Variants in SESN2 observed in about 807,000 individuals in gnomAD.
The protein encoded by SESN2 is sestrin-2.
A neutral mutation model predicts 56.0 loss-of-function variants in SESN2; 42 were observed. That is an observed-to-expected ratio of 0.75 (90% CI 0.59 to 0.97). The LOEUF (loss-of-function observed/expected upper bound fraction) is 0.97. Among genes scored for constraint, SESN2 ranks in the 50% least tolerant of loss-of-function variants. The pLI is 0.00. For missense variants in SESN2, 507 were observed against 649.4 expected, an observed-to-expected ratio of 0.78 and a Z score of 2.38; for synonymous variants, 264 against 267.1, an observed-to-expected ratio of 0.99 and a Z score of 0.11.
intron 8 of SESN2, 33 bp from the exon 9 acceptor site, chr1:28,279,064 C>A: frequency 6.2e-7 from 1 of 1,611,612 alleles, no homozygotes. Context: ...GGGAAGAAAG[C>A]ATGAGTAATG....
intron 1 of SESN2, 78 bp downstream of exon 1, chr1:28,260,015 T>G: frequency 8.7e-7 from 1 of 1,153,746 alleles, no homozygotes; most frequent in Non-Finnish European, 1.2e-6. Flanking sequence ...CGGAGCTGAG[T>G]CGGTGTGTCC....
Position 28,272,600 on chromosome 1 carries a change from A to G in SESN2, c.557A>G (p.Glu186Gly), listed in dbSNP as rs1647825466. 3 of 1,613,884 alleles carry G rather than the reference A, an allele frequency of 1.9e-6. No homozygotes were observed. Among genetic ancestry groups the G allele is most frequent in the Admixed American group, 3.3e-5 (2 of 60,002 alleles). The part of the protein sequence containing the change: ...EHIQALLKTG[E>G]HTWSLAELIQ... ...TTCCAGGCCTTGCTGAAGACCGGCG[A>G]GCACACTTGGTCCCTGGCCGAGCTC... Residue 186 changes from glutamate to glycine, a missense_variant, in exon 5 of 10, where the codon GAG becomes GGG. Physicochemically the swap from Glu to Gly is moderately conservative, Grantham distance 98 (BLOSUM62 -2). Transcript: ENST00000253063.
In SESN2 at chr1:28,281,245, T is replaced by A. The variant is rs1024459170; in HGVS notation, c.*443T>A. The A allele has an allele frequency of 6.3e-6, 1 of 159,952 alleles. No individual in the cohort carries two copies. Among genetic ancestry groups the A allele is most frequent in the Non-Finnish European group, 1.4e-5 (1 of 73,016 alleles). 9.9% of individuals were successfully genotyped at this position (159,952 alleles called of 1,614,324 possible). A position where few individuals can be genotyped will look rare whatever the true frequency, so the allele number is the denominator to read the frequency against. ...CTTCTCTCCCCTGTCATTTCCAGAT[T>A]TCATTACCTCCTACTTGCCATTCAC... is the stretch of plus-strand genomic sequence containing the variant. On this transcript the variant is annotated 3_prime_UTR_variant, in exon 10 of 10. Transcript: ENST00000253063.
At chr1:28,267,001 A>G (rs1464423044) in intron 1 of SESN2, among the ~76,000 whole-genome samples, 1 of 152,228 alleles carries the variant, frequency 6.6e-6, no homozygotes, top group East Asian at 1.9e-4. Context: ...GGCTATTCCT[A>G]TCCTTCCCTA....
rs771825063 is a variant in SESN2 at position 28,280,698 on chromosome 1, C to T, written c.1357-18C>T. The T allele has an allele frequency of 6.2e-7, 1 of 1,606,800 alleles. No individual in the cohort carries two copies. Among genetic ancestry groups the T allele is most frequent in the Admixed American group, 1.7e-5 (1 of 59,998 alleles). The stretch of plus-strand genomic sequence containing the variant: ...AGGAGTGACATCAGTTGCCAACATG[C>T]CTTCCTCTGTGCCCCAGGTCCACGT... On this transcript the variant is annotated intron_variant, in intron 9 of 9. Transcript: ENST00000253063.
Position 28,269,263 on chromosome 1 carries a change from G to A in SESN2, c.156+15G>A. 6.3e-7 allele frequency: 1 copy of A among 1,598,560 alleles called. No individual in the cohort carries two copies. The highest frequency in any genetic ancestry group is 2.3e-5 in the East Asian group (1 of 44,202). ...CCGTGGAGGAGGTAAGCTTGGAAGG[G>A]GTTAGGGATCTTTGGTCCCTGGGAA... On this transcript the variant is annotated intron_variant, in intron 2 of 9. Coordinates refer to ENST00000253063, the MANE Select transcript of SESN2 (RefSeq NM_031459.5).
At chr1:28,260,111 ACT>A in intron 1 of SESN2, among the ~76,000 whole-genome samples, 174 bp downstream of exon 1, 1 of 61,218 alleles carries the variant, frequency 1.6e-5, no homozygotes, top group Middle Eastern at 7.9e-3. Context: ...CCCCTCCCCC[ACT>A]CTGTCTCCCC....
intron 1 of SESN2, among the ~76,000 whole-genome samples, chr1:28,260,708 C>T (rs1647345438): frequency 1.3e-5 from 2 of 151,346 alleles, no homozygotes; most frequent in Admixed American, 1.3e-4. Flanking sequence ...CTCCCCTCCA[C>T]CCCCCCGCAT....
intron 1 of SESN2, among the ~76,000 whole-genome samples, chr1:28,261,007 A>C (rs1441607456): frequency 6.6e-6 from 1 of 152,084 alleles, no homozygotes; most frequent in East Asian, 1.9e-4. Context: ...AACCCCACTG[A>C]ATATCTTGTT....
intron 9 of SESN2, among the ~76,000 whole-genome samples, chr1:28,280,461 C>T (rs2149041403): frequency 6.6e-6 from 1 of 152,350 alleles, no homozygotes; most frequent in South Asian, 2.1e-4. Context: ...TCGCCTTGGC[C>T]TCCCAAAGTG....
intron 1 of SESN2, among the ~76,000 whole-genome samples, chr1:28,261,755 A>G (rs370543385): frequency 6.7e-6 from 1 of 149,734 alleles, no homozygotes; most frequent in African/African-American, 2.5e-5. Context: ...AACTGCTGCT[A>G]TCTGGGAGGT....
chr1:28,274,202 G>A (rs763974370), intron 7 of SESN2, 44 bp downstream of exon 7: 22 of 1,275,774 alleles, frequency 1.7e-5, no homozygotes, highest in East Asian at 1.6e-4. Flanking sequence ...CCACATTTAC[G>A]AACAAGCAGT....
At chr1:28,266,880 T>C (rs1647577452) in intron 1 of SESN2, among the ~76,000 whole-genome samples, 2 of 152,018 alleles carry the variant, frequency 1.3e-5, no homozygotes, top group African/African-American at 2.4e-5. Flanking sequence ...CATTGTATAT[T>C]GTTGTTGTTG....
intron 8 of SESN2, among the ~76,000 whole-genome samples, chr1:28,277,319 G>T (rs906946557): frequency 2.0e-5 from 3 of 151,380 alleles, no homozygotes; most frequent in Non-Finnish European, 4.4e-5. Flanking sequence ...CCTTCTGCCT[G>T]ATCCTTCTGC....
chr1:28,261,746 ACTG>A (rs1463730006), intron 1 of SESN2, among the ~76,000 whole-genome samples: 1 of 150,926 alleles, frequency 6.6e-6, no homozygotes, highest in Non-Finnish European at 1.5e-5. Flanking sequence ...AGTGGAGAAA[ACTG>A]CTGCTATCTG....
At chr1:28,273,333 G>A (rs745791735) in intron 5 of SESN2, 25 bp from the exon 6 acceptor site, 1 of 1,536,068 alleles carries the variant, frequency 6.5e-7, no homozygotes, top group East Asian at 2.3e-5. Context: ...AGGAGTAGCT[G>A]GTCACCACGG....
chr1:28,271,800 C>T lies in SESN2; in HGVS notation c.283C>T (p.Arg95Cys), dbSNP rs1480732926. The change falls in exon 3 of 10, where the codon CGC becomes TGC. Residue 95 changes from arginine (R) to cysteine (C), a missense_variant. Transcript: ENST00000253063. ...LHPDYFTSFW[R>C]LHYLLLHTDG... ...CCCTGACTACTTTACCAGCTTCTGG[C>T]GCCTGCACTACCTGCTGCTGCACAC... 5 of 1,614,084 alleles carry T rather than the reference C, an allele frequency of 3.1e-6. No individual in the cohort carries two copies. Among genetic ancestry groups the T allele is most frequent in the Admixed American group, 3.3e-5 (2 of 60,006 alleles).
At chr1:28,265,946 C>G (rs1238875469) in intron 1 of SESN2, among the ~76,000 whole-genome samples, 1 of 152,204 alleles carries the variant, frequency 6.6e-6, no homozygotes, top group Non-Finnish European at 1.5e-5. Context: ...CCCTCCCCAT[C>G]ATACAGTTAC....
At chr1:28,273,334 G>A in intron 5 of SESN2, 24 bp from the exon 6 acceptor site, 1 of 1,536,268 alleles carries the variant, frequency 6.5e-7, no homozygotes, top group Non-Finnish European at 8.8e-7. Context: ...GGAGTAGCTG[G>A]TCACCACGGG....
Sources: gnomAD v4.1 joint callset for allele counts (sites outside exome capture counted in the v4.1 genomes callset) on GRCh38, gnomAD v4.1.1 for gene constraint, MANE v1.5 for transcripts, NCBI Gene and HGNC (gene_info 2026-07-23, HGNC 2026-07-21) for gene names.